SMC5: variants seen among roughly 807,000 people sequenced by gnomAD.
The protein encoded by SMC5 is structural maintenance of chromosomes protein 5.
In SMC5, 88 loss-of-function variants were observed where a neutral mutation model predicts 148.3. That is an observed-to-expected ratio of 0.59 (90% CI 0.50 to 0.71). SMC5 has a LOEUF of 0.71. SMC5 is among the 30% of genes least tolerant of loss of function. The pLI is 0.00. For synonymous variants in SMC5, 421 were observed against 432.8 expected (o/e 0.97, Z 0.34); for missense variants, 1,142 against 1,298.9 (o/e 0.88, Z 1.86).
chr9:70,323,058 T>C (rs1418530353), intron 15 of SMC5, among the ~76,000 whole-genome samples: 1 of 152,238 alleles, frequency 6.6e-6, no homozygotes, highest in Non-Finnish European at 1.5e-5. Flanking sequence ...TCCTTTGTTC[T>C]TTTCTCTTCG....
chr9:70,274,271 T>C (rs1187800155), intron 3 of SMC5, among the ~76,000 whole-genome samples: 5 of 151,980 alleles, frequency 3.3e-5, no homozygotes, highest in Non-Finnish European at 5.9e-5. Flanking sequence ...TTAGTAGAGA[T>C]GGGGTTTCAC....
chr9:70,295,099 G>GT (rs1435935848), intron 8 of SMC5, among the ~76,000 whole-genome samples: 4 of 152,098 alleles, frequency 2.6e-5, no homozygotes, highest in Non-Finnish European at 5.9e-5. Flanking sequence ...GCAGGAAAAG[G>GT]TCACCACTTG....
At chr9:70,318,749 G>T in intron 14 of SMC5, 45 bp from the exon 15 acceptor site, 4 of 1,553,022 alleles carry the variant, frequency 2.6e-6, no homozygotes, top group Non-Finnish European at 3.5e-6. Context: ...TAGTTTCACT[G>T]GAACAGTTTT....
chr9:70,293,759 A>G (rs757290294), intron 8 of SMC5, among the ~76,000 whole-genome samples: 1 of 152,112 alleles, frequency 6.6e-6, no homozygotes, highest in Non-Finnish European at 1.5e-5. Context: ...CTGCCAGTAG[A>G]TCTGCCATAG....
chr9:70,343,557 G>T (rs1016210641), intron 17 of SMC5, among the ~76,000 whole-genome samples: 4 of 152,142 alleles, frequency 2.6e-5, no homozygotes, highest in African/African-American at 9.7e-5. Context: ...GCTCACACCT[G>T]TAATCCCAGC....
intron 17 of SMC5, among the ~76,000 whole-genome samples, chr9:70,328,070 C>T (rs2036127239): frequency 6.6e-6 from 1 of 152,050 alleles, no homozygotes; most frequent in African/African-American, 2.4e-5. Context: ...AATCCGCCCC[C>T]ATTATCCAAT....
At chr9:70,304,401 A>G (rs1564045857) in intron 10 of SMC5, among the ~76,000 whole-genome samples, 1 of 152,162 alleles carries the variant, frequency 6.6e-6, no homozygotes, top group Non-Finnish European at 1.5e-5. Context: ...AAAATAGATC[A>G]ATAGGTCGGG....
At chr9:70,280,614 C>T in intron 5 of SMC5, 145 bp from the exon 6 acceptor site, 1 of 685,326 alleles carries the variant, frequency 1.5e-6, no homozygotes, top group Non-Finnish European at 2.4e-6. Flanking sequence ...TCACTGTTGC[C>T]TAGGCTGGAG....
Position 70,324,394 on chromosome 9 carries a change from A to T in SMC5, c.2397+251A>T, listed in dbSNP as rs141322566. Reference sequence around the variant, plus strand: ...CACAGAAATACTGGGTGGAGGGGAGAGCATGTGATATACCATATTAACTTA... The same window carrying T: ...CACAGAAATACTGGGTGGAGGGGAGTGCATGTGATATACCATATTAACTTA... On this transcript the variant is annotated intron_variant, in intron 17 of 24. Coordinates refer to ENST00000361138, the MANE Select transcript of SMC5 (RefSeq NM_015110.4). 3.9e-3 allele frequency among the ~76,000 whole-genome samples: 599 copies of T among 152,250 alleles called. 3 individuals are homozygous for T. Among genetic ancestry groups the T allele is most frequent in the African/African-American group, 0.013 (555 of 41,550 alleles).
At chr9:70,314,539 T>C (rs1232351910) in intron 11 of SMC5, among the ~76,000 whole-genome samples, 1 of 151,740 alleles carries the variant, frequency 6.6e-6, no homozygotes, top group African/African-American at 2.4e-5. Context: ...GGTATGTATC[T>C]CTAAAAGAAG....
intron 17 of SMC5, among the ~76,000 whole-genome samples, chr9:70,327,124 A>G (rs2036101847): frequency 1.3e-5 from 2 of 152,222 alleles, no homozygotes; most frequent in Admixed American, 6.5e-5. Flanking sequence ...TTTGTCTACT[A>G]AAAAGACCTA....
At chr9:70,304,360 T>C (rs1168389815) in intron 10 of SMC5, among the ~76,000 whole-genome samples, 1 of 152,090 alleles carries the variant, frequency 6.6e-6, no homozygotes, top group Non-Finnish European at 1.5e-5. Flanking sequence ...GGGTTATCAG[T>C]GCTACCACGC....
chr9:70,309,317 C>CTTTTTTTTT (rs1564050219), intron 11 of SMC5, among the ~76,000 whole-genome samples: 2 of 47,316 alleles, frequency 4.2e-5, no homozygotes, highest in African/African-American at 1.0e-4. Flanking sequence ...TTTTCCTTTT[C>CTTTTTTTTT]CTTTTTTTTT....
At chr9:70,290,334 A>AT (rs926352615) in intron 8 of SMC5, among the ~76,000 whole-genome samples, 3 of 152,098 alleles carry the variant, frequency 2.0e-5, no homozygotes, top group Non-Finnish European at 4.4e-5. Flanking sequence ...TTGGACCATG[A>AT]TTTTTTTGGT....
intron 9 of SMC5, 108 bp downstream of exon 9, chr9:70,298,329 T>A: frequency 8.1e-7 from 1 of 1,236,032 alleles, no homozygotes; most frequent in Non-Finnish European, 1.1e-6. Flanking sequence ...TCAAGTTGCC[T>A]TCTTGAGGAA....
chr9:70,277,385 C>A lies in SMC5; in HGVS notation c.456C>A (p.Asn152Lys), dbSNP rs1415286229. Reference sequence around the variant, plus strand: ...AAAATCAGTCCTTTTGGTTCATCAACAAAAAATCTACAACCCAGAAAATAG... The same window carrying A: ...AAAATCAGTCCTTTTGGTTCATCAAAAAAAAATCTACAACCCAGAAAATAG... ...VAKNQSFWFI[N>K]KKSTTQKIVE... is the part of the protein sequence containing the mutation. The change falls in exon 4 of 25, where the codon AAC (asparagine) becomes AAA (lysine). Residue 152 changes from asparagine (N) to lysine (K), a missense_variant. Transcript: ENST00000361138. 2 of 1,604,666 alleles carry A rather than the reference C, an allele frequency of 1.2e-6. No homozygotes were observed. Among genetic ancestry groups the A allele is most frequent in the Non-Finnish European group, 1.7e-6 (2 of 1,175,478 alleles).
chr9:70,282,433 T>A lies in SMC5; in HGVS notation c.831T>A (p.Asn277Lys). ...EAKRPWVEYE[N>K]VRQEYEEVKL... ...GAATTATTTGCAAGGAATATGAAAA[T>A]GTTCGTCAGGAATATGAAGAAGTAA... The change falls in exon 7 of 25, where the codon AAT (asparagine) becomes AAA (lysine). Residue 277 changes from asparagine (N) to lysine (K), a missense_variant. Around this residue, in one of 5 missense-constraint regions of SMC5, gnomAD observed 743 missense variants for 835.7 expected, o/e 0.89. Coordinates refer to ENST00000361138, the MANE Select transcript of SMC5 (RefSeq NM_015110.4). The A allele has an allele frequency of 1.3e-6, 2 of 1,590,928 alleles. No individual in the cohort carries two copies. The highest frequency in any genetic ancestry group is 8.5e-7 in the Non-Finnish European group (1 of 1,173,204).
At chr9:70,326,503 TTATAGTA>T in intron 17 of SMC5, among the ~76,000 whole-genome samples, 1 of 152,196 alleles carries the variant, frequency 6.6e-6, no homozygotes, top group South Asian at 2.1e-4. Flanking sequence ...AGAGAAAACT[TTATAGTA>T]TGTTACTATC....
chr9:70,352,218 A>G lies in SMC5; in HGVS notation c.3193A>G (p.Lys1065Glu). The G allele has an allele frequency of 6.2e-7, 1 of 1,611,060 alleles. No individual in the cohort carries two copies. The highest frequency in any genetic ancestry group is 8.5e-7 in the Non-Finnish European group (1 of 1,179,260). ...CCTGCAAAATCTTCCTTATTCTGAA[A>G]AGATGACAGTTTTGTTTGTCTACAA... ...KLLQNLPYSEKMTVLFVYNGP... is the reference protein window; with the variant it reads ...KLLQNLPYSEEMTVLFVYNGP... Residue 1065 changes from lysine (K) to glutamate (E), a missense_variant, in exon 25 of 25, where the codon AAG becomes GAG. Coordinates refer to ENST00000361138, the MANE Select transcript of SMC5 (RefSeq NM_015110.4).
Sources: gnomAD v4.1 joint callset for allele counts (sites outside exome capture counted in the v4.1 genomes callset) on GRCh38, gnomAD v4.1.1 for gene constraint, gnomAD v4.1.1 regional missense constraint, MANE v1.5 for transcripts, NCBI Gene and HGNC (gene_info 2026-07-23, HGNC 2026-07-21) for gene names.